Variants in COL4A6 observed in about 807,000 individuals in gnomAD.
COL4A6 encodes the protein collagen alpha-6(IV) chain.
Under a neutral mutation model 126.7 loss-of-function variants are expected in COL4A6, and 59 were observed. The observed-to-expected ratio is 0.47, with a 90% CI of 0.38 to 0.58. The LOEUF is 0.58. COL4A6 is among the 20% of genes least tolerant of loss of function. The pLI is 0.00. For missense variants in COL4A6, 1,285 were observed against 1,337.3 expected (o/e 0.96, Z 0.61); for synonymous variants, 547 against 496.6 (o/e 1.10, Z -1.35).
intron 2 of COL4A6, among the ~76,000 whole-genome samples, chrX:108,408,337 G>T (rs908982942): frequency 5.9e-5 from 1 of 17,082 alleles, no homozygotes. Flanking sequence ...AAGAAAGAGA[G>T]AAAGAAAGAA....
chrX:108,233,093 C>T (rs755510401), intron 3 of COL4A6, among the ~76,000 whole-genome samples: 3 of 111,909 alleles, frequency 2.7e-5, no homozygotes, highest in Non-Finnish European at 5.6e-5. Flanking sequence ...TACAAATGTA[C>T]GGTTTATTTA....
At chrX:108,324,555 T>C (rs985111931) in intron 2 of COL4A6, among the ~76,000 whole-genome samples, 8 of 112,044 alleles carry the variant, frequency 7.1e-5, no homozygotes, top group African/African-American at 2.6e-4. Flanking sequence ...CACATTAAGC[T>C]TGAATTTCAG....
At chrX:108,302,825 T>A (rs2038524440) in intron 3 of COL4A6, among the ~76,000 whole-genome samples, 1 of 111,409 alleles carries the variant, frequency 9.0e-6, no homozygotes, top group Admixed American at 9.6e-5. Flanking sequence ...CATATAATAG[T>A]AATAATAATA....
chrX:108,340,279 T>G (rs1048232020), intron 2 of COL4A6, among the ~76,000 whole-genome samples: 4 of 111,647 alleles, frequency 3.6e-5, no homozygotes, highest in African/African-American at 1.3e-4. Flanking sequence ...TATGGCTAGT[T>G]CTACTGAGGA....
intron 2 of COL4A6, among the ~76,000 whole-genome samples, chrX:108,388,447 G>T (rs1046095363): frequency 1.8e-5 from 2 of 111,251 alleles, no homozygotes; most frequent in African/African-American, 6.6e-5. Flanking sequence ...GTCTTGGGAG[G>T]GTGTATGTGT....
chrX:108,247,827 T>C (rs941333181), intron 3 of COL4A6, among the ~76,000 whole-genome samples: 1 of 111,828 alleles, frequency 8.9e-6, no homozygotes, highest in Non-Finnish European at 1.9e-5. Context: ...TTAAAGAGTA[T>C]GTACCACTAA....
chrX:108,319,429 C>T (rs1039077475), intron 2 of COL4A6, among the ~76,000 whole-genome samples: 1 of 111,377 alleles, frequency 9.0e-6, no homozygotes, highest in Non-Finnish European at 1.9e-5. Flanking sequence ...GAGAATACAC[C>T]CTAGAATTAA....
chrX:108,380,531 C>T (rs1006644721), intron 2 of COL4A6, among the ~76,000 whole-genome samples: 1 of 112,054 alleles, frequency 8.9e-6, no homozygotes, highest in African/African-American at 3.2e-5. Flanking sequence ...CCAGAACAAC[C>T]TGTGGTATTG....
Position 108,191,431 on chromosome X carries a change from T to C in COL4A6, c.1283A>G (p.Asp428Gly), listed in dbSNP as rs2035038778. Residue 428 changes from aspartate (D) to glycine (G), a missense_variant, in exon 19 of 45, where the codon GAT (aspartate) becomes GGT (glycine). Coordinates refer to ENST00000334504, the MANE Select transcript of COL4A6 (RefSeq NM_033641.4). Reference sequence around the variant, plus strand: ...TGGACCTGGTGGGCCTGGCAAACCATCTCTGCCAGGGAGGCCAGCTGCTCC... The same window carrying C: ...TGGACCTGGTGGGCCTGGCAAACCACCTCTGCCAGGGAGGCCAGCTGCTCC... ...TIGAAGLPGR[D>G]GLPGPPGPPG... 2.5e-6 allele frequency: 3 copies of C among 1,209,223 alleles called. No homozygotes were observed. The highest frequency in any genetic ancestry group is 2.2e-5 in the Admixed American group (1 of 45,725).
chrX:108,243,326 A>C (rs2036626585), intron 3 of COL4A6, among the ~76,000 whole-genome samples: 1 of 110,916 alleles, frequency 9.0e-6, no homozygotes, highest in African/African-American at 3.3e-5. Context: ...ACTGTATTGG[A>C]GATGAGGCCT....
chrX:108,436,054 A>T (rs897419692), intron 2 of COL4A6, among the ~76,000 whole-genome samples: 2 of 111,891 alleles, frequency 1.8e-5, no homozygotes, highest in Admixed American at 1.9e-4. Flanking sequence ...CAGAAAAGTC[A>T]TCTTCTGATA....
At chrX:108,420,350 C>A (rs930818464) in intron 2 of COL4A6, among the ~76,000 whole-genome samples, 3 of 111,480 alleles carry the variant, frequency 2.7e-5, no homozygotes, top group African/African-American at 9.8e-5. Flanking sequence ...AGAGGGAGGA[C>A]TCTGTAATGT....
chrX:108,362,055 T>TTG (rs10548613), intron 2 of COL4A6, among the ~76,000 whole-genome samples: 1,527 of 103,119 alleles, frequency 0.015, 20 homozygotes, highest in African/African-American at 0.034. Context: ...TCAAACTAGT[T>TTG]TGTGTGTGTG....
chrX:108,283,646 C>T (rs2037920454), intron 3 of COL4A6, among the ~76,000 whole-genome samples: 1 of 110,328 alleles, frequency 9.1e-6, no homozygotes, highest in Admixed American at 9.7e-5. Flanking sequence ...GACTATCTTT[C>T]TATTCTCTTC....
chrX:108,196,417 G>A, intron 14 of COL4A6, 94 bp downstream of exon 14: 1 of 772,395 alleles, frequency 1.3e-6, no homozygotes, highest in Non-Finnish European at 2.0e-6. Flanking sequence ...AAGCTTAGGT[G>A]GCAATCAAGT....
Position 108,207,076 on chromosome X carries a change from C to T in COL4A6, c.547-496G>A, listed in dbSNP as rs773415193. On this transcript the variant is annotated intron_variant, in intron 8 of 44. Transcript: ENST00000334504. ...TTTGTCAAAACTCAGCAAACATACA[C>T]TTAAGAGTTAGGTGTTTCATTGTAT... Among the ~76,000 whole-genome samples the T allele has an allele frequency of 9.0e-5, 10 of 111,594 alleles. No individual in the cohort carries two copies. The South Asian group carries it at 1.1e-3, about 13-fold the overall frequency.
chrX:108,158,918 C>G (rs914686721), intron 44 of COL4A6, among the ~76,000 whole-genome samples: 2 of 112,466 alleles, frequency 1.8e-5, no homozygotes, highest in African/African-American at 6.5e-5. Context: ...CTTAGCAAGA[C>G]ACACAGCATG....
At chrX:108,302,670 G>GA (rs1198759611) in intron 3 of COL4A6, among the ~76,000 whole-genome samples, 1 of 110,315 alleles carries the variant, frequency 9.1e-6, no homozygotes, top group Non-Finnish European at 1.9e-5. Flanking sequence ...ATACATTCAG[G>GA]AAAAAAAGTA....
rs768819455 is a variant in COL4A6, at chrX:108,211,658, T to C, written c.510+14A>G. 8.3e-7 allele frequency: 1 copy of C among 1,206,576 alleles called. No individual in the cohort carries two copies. Among genetic ancestry groups the C allele is most frequent in the East Asian group, 3.0e-5 (1 of 33,813 alleles). On this transcript the variant is annotated intron_variant, in intron 7 of 44. Coordinates refer to ENST00000334504, the MANE Select transcript of COL4A6 (RefSeq NM_033641.4). ...CTTATAGCCTACTCAGCTATCTGACTTACAGGTTCTTACCTTCATTCCTTT... is the reference window on the plus strand; with the variant it reads ...CTTATAGCCTACTCAGCTATCTGACCTACAGGTTCTTACCTTCATTCCTTT...
Sources: allele counts gnomAD v4.1 joint callset (sites outside exome capture counted in the v4.1 genomes callset), GRCh38; gene constraint gnomAD v4.1.1; transcripts MANE v1.5; gene names NCBI Gene and HGNC (gene_info 2026-07-23, HGNC 2026-07-21).